OPCML: variants seen among roughly 807,000 people sequenced by gnomAD.
OPCML encodes opioid-binding protein/cell adhesion molecule.
A neutral mutation model predicts 37.8 loss-of-function variants in OPCML; 13 were observed. The observed-to-expected ratio is 0.34, with a 90% CI of 0.22 to 0.55. The LOEUF (loss-of-function observed/expected upper bound fraction) is 0.55. Ranked by LOEUF, OPCML falls within the 20% of genes least tolerant of loss-of-function variation. The pLI is 0.91. For synonymous variants in OPCML, 176 were observed against 168.8 expected (o/e 1.04, Z -0.33); for missense variants, 341 against 435.6 (o/e 0.78, Z 1.93).
At chr11:133,092,189 G>A (rs555183030) in intron 1 of OPCML, among the ~76,000 whole-genome samples, 2 of 152,296 alleles carry the variant, frequency 1.3e-5, no homozygotes, top group African/African-American at 4.8e-5. Context: ...GCAGAGAACA[G>A]CCTTCCCCAG....
chr11:133,034,904 G>A (rs988166722), intron 1 of OPCML, among the ~76,000 whole-genome samples: 2 of 147,644 alleles, frequency 1.4e-5, no homozygotes, highest in South Asian at 4.2e-4. Flanking sequence ...TGGTTCGCAC[G>A]GGCACCGGCA....
At chr11:133,276,859 G>C (rs1942010626) in intron 1 of OPCML, among the ~76,000 whole-genome samples, 1 of 152,018 alleles carries the variant, frequency 6.6e-6, no homozygotes, top group Non-Finnish European at 1.5e-5. Flanking sequence ...TCTTACTTAA[G>C]ATCTTTGAAA....
intron 1 of OPCML, among the ~76,000 whole-genome samples, chr11:133,169,268 C>A (rs1374489561): frequency 1.3e-5 from 2 of 152,238 alleles, no homozygotes; most frequent in Non-Finnish European, 2.9e-5. Flanking sequence ...TGCATTTGAA[C>A]TTAACCTGGC....
At chr11:133,037,277 C>A (rs4622273) in intron 1 of OPCML, among the ~76,000 whole-genome samples, 1 of 151,968 alleles carries the variant, frequency 6.6e-6, no homozygotes, top group Non-Finnish European at 1.5e-5. Context: ...AATCTCAATA[C>A]GTAAGAGTTA....
intron 1 of OPCML, among the ~76,000 whole-genome samples, chr11:133,334,492 T>G (rs1943698167): frequency 6.6e-6 from 1 of 152,076 alleles, no homozygotes; most frequent in Admixed American, 6.5e-5. Context: ...TGGGGTCTAC[T>G]TGATGGGGAG....
intron 4 of OPCML, among the ~76,000 whole-genome samples, chr11:132,516,547 C>T (rs1439376269): frequency 1.3e-5 from 2 of 152,154 alleles, no homozygotes; most frequent in Admixed American, 1.3e-4. Flanking sequence ...GCCCCAGGTA[C>T]CATACCTGCT....
intron 2 of OPCML, among the ~76,000 whole-genome samples, chr11:132,791,373 G>C (rs1401821484): frequency 6.6e-6 from 1 of 152,166 alleles, no homozygotes; most frequent in Non-Finnish European, 1.5e-5. Flanking sequence ...CTTTCAAGTG[G>C]TCAGGGTCCG....
intron 1 of OPCML, among the ~76,000 whole-genome samples, chr11:133,473,903 T>C (rs896437831): frequency 5.9e-5 from 9 of 152,236 alleles, no homozygotes; most frequent in Admixed American, 2.6e-4. Flanking sequence ...ATACTGAGCA[T>C]AATATTTTAC....
intron 1 of OPCML, among the ~76,000 whole-genome samples, chr11:133,329,146 A>T (rs1565575351): frequency 6.6e-6 from 1 of 152,218 alleles, no homozygotes; most frequent in Non-Finnish European, 1.5e-5. Context: ...GGACCTCTTC[A>T]AGGAGAACTA....
At chr11:133,478,778 C>T (rs766644190) in intron 1 of OPCML, among the ~76,000 whole-genome samples, 3 of 152,018 alleles carry the variant, frequency 2.0e-5, no homozygotes, top group Non-Finnish European at 2.9e-5. Flanking sequence ...ATTTAACATT[C>T]GCTTATGCCT....
chr11:133,309,247 A>G (rs138596379), intron 1 of OPCML, among the ~76,000 whole-genome samples: 1 of 152,338 alleles, frequency 6.6e-6, no homozygotes, highest in East Asian at 1.9e-4. Context: ...ATCAGGGATA[A>G]CATCACCAGT....
chr11:132,443,083 G>T (rs2096042081), intron 4 of OPCML, among the ~76,000 whole-genome samples: 1 of 152,232 alleles, frequency 6.6e-6, no homozygotes, highest in Non-Finnish European at 1.5e-5. Context: ...TTCTAGGTTT[G>T]CTGTCTAGGG....
chr11:132,459,055 A>G (rs917289316), intron 4 of OPCML, among the ~76,000 whole-genome samples: 2 of 152,234 alleles, frequency 1.3e-5, no homozygotes, highest in Non-Finnish European at 2.9e-5. Context: ...TCATTGGGCC[A>G]TCCTTCCCAA....
chr11:132,540,828 T>C (rs866847998), intron 3 of OPCML, among the ~76,000 whole-genome samples: 16 of 152,322 alleles, frequency 1.1e-4, no homozygotes, highest in Admixed American at 2.0e-4. Flanking sequence ...CTATTTTTAA[T>C]TTGCACAATT....
At chr11:133,416,438 C>T (rs768557227) in intron 1 of OPCML, among the ~76,000 whole-genome samples, 1 of 152,204 alleles carries the variant, frequency 6.6e-6, no homozygotes, top group Non-Finnish European at 1.5e-5. Context: ...CTAACTCTGC[C>T]TCATGGCTCA....
chr11:132,806,142 G>A (rs1422319125), intron 2 of OPCML, among the ~76,000 whole-genome samples: 1 of 151,920 alleles, frequency 6.6e-6, no homozygotes, highest in Non-Finnish European at 1.5e-5. Flanking sequence ...GAAATAAATT[G>A]GCAATCTAAA....
At chr11:133,009,650 C>T (rs925261897) in intron 1 of OPCML, among the ~76,000 whole-genome samples, 2 of 152,140 alleles carry the variant, frequency 1.3e-5, no homozygotes, top group African/African-American at 2.4e-5. Context: ...AGAATGAAAC[C>T]GCACCACCTC....
intron 1 of OPCML, among the ~76,000 whole-genome samples, chr11:133,376,905 C>G (rs944205834): frequency 2.0e-5 from 3 of 152,154 alleles, no homozygotes; most frequent in African/African-American, 7.2e-5. Context: ...AGGATTCCCT[C>G]TACAACCATC....
chr11:133,077,943 G>A (rs1478473934), intron 1 of OPCML, among the ~76,000 whole-genome samples: 2 of 152,216 alleles, frequency 1.3e-5, no homozygotes, highest in African/African-American at 4.8e-5. Flanking sequence ...AATGGCAAGA[G>A]TTGGAGGGGA....
Sources: allele counts gnomAD v4.1 joint callset (sites outside exome capture counted in the v4.1 genomes callset), GRCh38; gene constraint gnomAD v4.1.1; transcripts MANE v1.5; gene names NCBI Gene and HGNC (gene_info 2026-07-23, HGNC 2026-07-21).